Variants in UNC5B observed in about 807,000 individuals in gnomAD.
UNC5B encodes the protein netrin receptor UNC5B.
A neutral mutation model predicts 103.7 loss-of-function variants in UNC5B; 56 were observed. The ratio of observed to expected loss-of-function variants is 0.54; its 90% CI spans 0.44 to 0.67. The LOEUF is 0.67. Among genes scored for constraint, UNC5B ranks in the 30% least tolerant of loss-of-function variants. The probability of loss-of-function intolerance (pLI) is 0.00; values close to 1 mark genes in which losing one functional copy is unlikely to be tolerated. For missense variants in UNC5B, 1,194 were observed against 1,284.5 expected (o/e 0.93, Z 1.08); for synonymous variants, 577 against 542.0 (o/e 1.06, Z -0.90).
At chr10:71,242,013 C>G (rs1283213974) in intron 1 of UNC5B, among the ~76,000 whole-genome samples, 1 of 152,112 alleles carries the variant, frequency 6.6e-6, no homozygotes, top group East Asian at 1.9e-4. Flanking sequence ...CCACACACGA[C>G]CTGGTGCTCA....
At chr10:71,255,427 C>T (rs893079357) in intron 1 of UNC5B, among the ~76,000 whole-genome samples, 2 of 152,182 alleles carry the variant, frequency 1.3e-5, no homozygotes, top group Non-Finnish European at 2.9e-5. Flanking sequence ...AGAAGTATTT[C>T]CTAGACAGCC....
chr10:71,223,053 G>T (rs1843482531), intron 1 of UNC5B, among the ~76,000 whole-genome samples: 1 of 152,236 alleles, frequency 6.6e-6, no homozygotes, highest in Non-Finnish European at 1.5e-5. Context: ...TGGGATGGGA[G>T]TCTGTCGGAT....
chr10:71,234,417 G>A (rs901376781), intron 1 of UNC5B, among the ~76,000 whole-genome samples: 2 of 152,216 alleles, frequency 1.3e-5, no homozygotes, highest in East Asian at 3.9e-4. Flanking sequence ...TACCCCATCG[G>A]AAAACCTGCT....
chr10:71,259,158 T>G (rs1844357704), intron 1 of UNC5B, among the ~76,000 whole-genome samples: 1 of 152,096 alleles, frequency 6.6e-6, no homozygotes, highest in Non-Finnish European at 1.5e-5. Flanking sequence ...GGGAGGCCAA[T>G]GCAATAGGAT....
chr10:71,291,955 G>T, intron 10 of UNC5B, 134 bp downstream of exon 10: 1 of 1,329,726 alleles, frequency 7.5e-7, no homozygotes, highest in South Asian at 1.5e-5. Flanking sequence ...CCTGAAGGCA[G>T]GAAGTGAGTA....
At chr10:71,264,616 A>G (rs920914920) in intron 1 of UNC5B, among the ~76,000 whole-genome samples, 7 of 152,248 alleles carry the variant, frequency 4.6e-5, no homozygotes, top group Non-Finnish European at 1.0e-4. Context: ...GTTAAGCACC[A>G]TTATGTGCAC....
intron 1 of UNC5B, among the ~76,000 whole-genome samples, chr10:71,248,186 TG>T (rs893939626): frequency 6.6e-6 from 1 of 152,142 alleles, no homozygotes; most frequent in Non-Finnish European, 1.5e-5. Context: ...ATAGCAGTCT[TG>T]GGGCCTCCCT....
At chr10:71,246,236 G>A (rs551962269) in intron 1 of UNC5B, among the ~76,000 whole-genome samples, 1 of 152,340 alleles carries the variant, frequency 6.6e-6, no homozygotes, top group African/African-American at 2.4e-5. Context: ...GGCTTGGGGG[G>A]CTGCATACTG....
chr10:71,298,235 A>C, intron 16 of UNC5B, 145 bp downstream of exon 16: 1 of 889,870 alleles, frequency 1.1e-6, no homozygotes. Flanking sequence ...TCAGCAACTC[A>C]GGATTGGATA....
At chr10:71,224,364 G>GACGCGCAC (rs1197780490) in intron 1 of UNC5B, among the ~76,000 whole-genome samples, 3 of 97,350 alleles carry the variant, frequency 3.1e-5, no homozygotes, top group African/African-American at 7.6e-5. Flanking sequence ...TCTGTATGTA[G>GACGCGCAC]ACACACACAC....
At chr10:71,223,708 G>A (rs1466062892) in intron 1 of UNC5B, among the ~76,000 whole-genome samples, 5 of 152,218 alleles carry the variant, frequency 3.3e-5, no homozygotes, top group East Asian at 1.9e-4. Flanking sequence ...TGGTCCAGGC[G>A]ACTTTAAAAT....
At chr10:71,280,103 C>T (rs4415677) in intron 2 of UNC5B, 58 bp downstream of exon 2, 1,189,841 of 1,569,788 alleles carry the variant, frequency 0.76, 454,305 homozygotes, top group Non-Finnish European at 0.78. Flanking sequence ...GAGGCACAGG[C>T]CTAGCTCCAT....
chr10:71,220,896 A>G (rs1312348732), intron 1 of UNC5B, among the ~76,000 whole-genome samples: 2 of 152,178 alleles, frequency 1.3e-5, no homozygotes, highest in Non-Finnish European at 2.9e-5. Flanking sequence ...GTGAGACCCT[A>G]GGCAAGTGCC....
chr10:71,217,709 T>A (rs1227730354), intron 1 of UNC5B: 2 of 133,916 alleles, frequency 1.5e-5, no homozygotes, highest in African/African-American at 2.8e-5. Flanking sequence ...CCCCCACCCC[T>A]TTTGTTTCCT....
At chr10:71,291,217 CAG>C in intron 9 of UNC5B, 108 bp downstream of exon 9, 1 of 1,431,218 alleles carries the variant, frequency 7.0e-7, no homozygotes, top group Non-Finnish European at 9.5e-7. Flanking sequence ...AGGGTTTTTC[CAG>C]AGTTTGCTCT....
At chr10:71,295,432 A>ACCC (rs1251284443) in intron 13 of UNC5B, among the ~76,000 whole-genome samples, 1 of 152,102 alleles carries the variant, frequency 6.6e-6, no homozygotes, top group East Asian at 1.9e-4. Flanking sequence ...CCATCTGTTT[A>ACCC]CCCAGTCATT....
Position 71,297,896 on chromosome 10 carries a change from C to G in UNC5B, c.2491-13C>G. On this transcript the variant is annotated splice_polypyrimidine_tract_variant and intron_variant, in intron 15 of 16. Coordinates refer to ENST00000335350, the MANE Select transcript of UNC5B (RefSeq NM_170744.5). ...CACTGTGCCCCTCTCACTCTTGGCCCCCACCCTTGCAGACACCTGCTGGCT... is the reference window on the plus strand; with the variant it reads ...CACTGTGCCCCTCTCACTCTTGGCCGCCACCCTTGCAGACACCTGCTGGCT... 6.2e-7 allele frequency: 1 copy of G among 1,606,754 alleles called. No homozygotes were observed. Among genetic ancestry groups the G allele is most frequent in the Non-Finnish European group, 8.5e-7 (1 of 1,176,820 alleles).
rs1844518989 is a variant in UNC5B, at chr10:71,266,199, C to T, written c.80-13622C>T. ...TGAGATCCTGCAGCTGTGAGGGGAA[C>T]CAGGCTCAGAGGCAGGGGGTGGTTC... is the stretch of plus-strand genomic sequence containing the variant. On this transcript the variant is annotated intron_variant, in intron 1 of 16. Transcript: ENST00000335350. 3.3e-5 allele frequency among the ~76,000 whole-genome samples: 5 copies of T among 152,082 alleles called. 1 individual carries two copies. The highest frequency in any genetic ancestry group is 3.3e-4 in the Admixed American group (5 of 15,280).
chr10:71,302,263 T>TG lies in UNC5B; in HGVS notation c.*2990dup, dbSNP rs1845598827. The TG allele has an allele frequency of 6.6e-6, 1 of 152,062 alleles. No homozygotes were observed. The highest frequency in any genetic ancestry group is 2.4e-5 in the African/African-American group (1 of 41,314). 9.4% of individuals were successfully genotyped at this position (152,062 alleles called of 1,614,324 possible). On this transcript the variant is annotated 3_prime_UTR_variant, in exon 17 of 17. Coordinates refer to ENST00000335350, the MANE Select transcript of UNC5B (RefSeq NM_170744.5). ...CAGGTATTTCTCTCTCTCTCCTCTCTGGGGTGCGTGTGTGCGTGCGCGTGT... is the reference window on the plus strand; with the variant it reads ...CAGGTATTTCTCTCTCTCTCCTCTCTGGGGGTGCGTGTGTGCGTGCGCGTGT...
Sources: gnomAD v4.1 joint callset for allele counts (sites outside exome capture counted in the v4.1 genomes callset) on GRCh38, gnomAD v4.1.1 for gene constraint, MANE v1.5 for transcripts, NCBI Gene and HGNC (gene_info 2026-07-23, HGNC 2026-07-21) for gene names.